The following ZNF385D variants were observed in gnomAD, a reference collection of about 807,000 sequenced individuals.
ZNF385D encodes the protein zinc finger protein 659.
Under a neutral mutation model 35.8 loss-of-function variants are expected in ZNF385D, and 15 were observed. That is an observed-to-expected ratio of 0.42 (90% confidence interval 0.28 to 0.64). The LOEUF (loss-of-function observed/expected upper bound fraction) is 0.64. ZNF385D is among the 30% of genes least tolerant of loss of function. ZNF385D has a pLI of 0.23. For synonymous variants in ZNF385D, 212 were observed against 186.8 expected, an observed-to-expected ratio of 1.13 and a Z score of -1.10; for missense variants, 474 against 494.6, an observed-to-expected ratio of 0.96 and a Z score of 0.39.
At chr3:21,422,605 A>G (rs1385879275) in intron 7 of ZNF385D, among the ~76,000 whole-genome samples, 2 of 152,188 alleles carry the variant, frequency 1.3e-5, no homozygotes, top group Non-Finnish European at 2.9e-5. Flanking sequence ...ATACTGGTAA[A>G]CCAAATCCAG....
chr3:22,240,390 T>C (rs1351037377), intron 2 of ZNF385D, among the ~76,000 whole-genome samples: 1 of 150,842 alleles, frequency 6.6e-6, no homozygotes, highest in East Asian at 2.0e-4. Flanking sequence ...CCTCTCACTA[T>C]CTTCTTCCTG....
chr3:22,188,009 T>G (rs1048281154), intron 2 of ZNF385D, among the ~76,000 whole-genome samples: 2 of 152,210 alleles, frequency 1.3e-5, no homozygotes. Context: ...TGCACCCTGT[T>G]AGAATTCATG....
At chr3:21,757,707 T>C (rs891547348) in intron 3 of ZNF385D, among the ~76,000 whole-genome samples, 1 of 152,202 alleles carries the variant, frequency 6.6e-6, no homozygotes, top group African/African-American at 2.4e-5. Flanking sequence ...TTTCAACATA[T>C]ACATTAGGAT....
At chr3:22,251,099 A>T (rs947141047) in intron 2 of ZNF385D, among the ~76,000 whole-genome samples, 9 of 152,148 alleles carry the variant, frequency 5.9e-5, no homozygotes, top group Non-Finnish European at 1.0e-4. Flanking sequence ...CAATTTCAGT[A>T]TTTATTCAGG....
intron 2 of ZNF385D, among the ~76,000 whole-genome samples, chr3:21,630,072 T>C (rs1423513857): frequency 6.6e-6 from 1 of 152,134 alleles, no homozygotes; most frequent in Non-Finnish European, 1.5e-5. Context: ...ATCATAACCA[T>C]TTGATACAGA....
chr3:21,562,602 T>C (rs1232744074), intron 3 of ZNF385D, among the ~76,000 whole-genome samples: 1 of 152,198 alleles, frequency 6.6e-6, no homozygotes, highest in African/African-American at 2.4e-5. Context: ...GGAGGAGATA[T>C]TTTAAGTAGT....
rs553024252 is a variant in ZNF385D, at chr3:21,915,158, T to C, written c.326-250130A>G. ...CATGTTTTCCTTACTGCTCAGAAAC[T>C]CTAGGTGCGTTACTTGACGGTACTG... On this transcript the variant is annotated intron_variant, in intron 3 of 5. Coordinates refer to the ZNF385D transcript ENST00000494108. Among the ~76,000 whole-genome samples, 3 of 152,100 alleles carry C rather than the reference T, an allele frequency of 2.0e-5. No individual in the cohort carries two copies. The East Asian group carries it at 5.8e-4, about 29-fold the overall frequency.
chr3:22,076,202 T>C (rs1559349969), intron 3 of ZNF385D, among the ~76,000 whole-genome samples: 1 of 151,866 alleles, frequency 6.6e-6, no homozygotes, highest in Non-Finnish European at 1.5e-5. Flanking sequence ...AACTCACCAA[T>C]TCAAAAGTCC....
At chr3:21,677,714 G>A (rs1252383375) in intron 1 of ZNF385D, among the ~76,000 whole-genome samples, 2 of 151,792 alleles carry the variant, frequency 1.3e-5, no homozygotes, top group East Asian at 3.9e-4. Context: ...ATAATAACCA[G>A]TAAAATAATA....
chr3:22,132,390 T>C (rs1360093904), intron 3 of ZNF385D, among the ~76,000 whole-genome samples: 1 of 152,166 alleles, frequency 6.6e-6, no homozygotes, highest in Admixed American at 6.6e-5. Context: ...TAAATACATT[T>C]CTGCTATTTA....
chr3:22,008,263 T>C (rs1328391028), intron 3 of ZNF385D, among the ~76,000 whole-genome samples: 1 of 152,076 alleles, frequency 6.6e-6, no homozygotes, highest in East Asian at 1.9e-4. Context: ...CAAGGAAATA[T>C]GCTTTTACTG....
intron 2 of ZNF385D, among the ~76,000 whole-genome samples, chr3:21,650,522 A>G (rs922057440): frequency 1.3e-5 from 2 of 152,172 alleles, no homozygotes; most frequent in Non-Finnish European, 2.9e-5. Context: ...ATTTCTTTAA[A>G]TTTATTTTAA....
At chr3:21,449,128 T>C (rs1353428051) in intron 4 of ZNF385D, among the ~76,000 whole-genome samples, 2 of 152,134 alleles carry the variant, frequency 1.3e-5, no homozygotes, top group African/African-American at 4.8e-5. Flanking sequence ...TGTCAATCAA[T>C]TTTTAATTCA....
intron 3 of ZNF385D, among the ~76,000 whole-genome samples, chr3:21,554,144 C>CT (rs1323396108): frequency 6.6e-6 from 1 of 152,120 alleles, no homozygotes; most frequent in Non-Finnish European, 1.5e-5. Context: ...AGAGGAATCA[C>CT]TATCTATGGT....
rs150903298 is a variant in ZNF385D at position 22,232,250 on chromosome 3, A to T, written c.107-63215T>A. Among the ~76,000 whole-genome samples, 229 of 151,608 alleles carry T rather than the reference A, an allele frequency of 1.5e-3. 1 individual carries two copies. The highest frequency in any genetic ancestry group is 5.2e-3 in the African/African-American group (215 of 41,370). Reference sequence around the variant, plus strand: ...TCAAATGTTGCTAGTATAACTAAAAATTTTTCTGAGTAAACTAGGAAGTCA... The same window carrying T: ...TCAAATGTTGCTAGTATAACTAAAATTTTTTCTGAGTAAACTAGGAAGTCA... On this transcript the variant is annotated intron_variant, in intron 2 of 5. Transcript: ENST00000494108.
At chr3:22,243,665 A>C (rs1449917582) in intron 2 of ZNF385D, among the ~76,000 whole-genome samples, 2 of 151,248 alleles carry the variant, frequency 1.3e-5, no homozygotes, top group Non-Finnish European at 2.9e-5. Context: ...AACACTTCAA[A>C]GGCAAGAACA....
chr3:22,283,252 C>T (rs747809420), intron 2 of ZNF385D, among the ~76,000 whole-genome samples: 1 of 152,084 alleles, frequency 6.6e-6, no homozygotes, highest in African/African-American at 2.4e-5. Context: ...CAGTACTCCA[C>T]TGACAGCTCT....
intron 3 of ZNF385D, among the ~76,000 whole-genome samples, chr3:22,049,079 T>A (rs187520042): frequency 1.3e-5 from 2 of 152,022 alleles, no homozygotes; most frequent in African/African-American, 4.8e-5. Context: ...GGTGGATAAT[T>A]TCAGGTCAGG....
At chr3:22,166,763 C>G (rs903482649) in intron 3 of ZNF385D, among the ~76,000 whole-genome samples, 2 of 152,178 alleles carry the variant, frequency 1.3e-5, no homozygotes, top group African/African-American at 4.8e-5. Context: ...ATTTGGGTTT[C>G]TAAACAAGAT....
Sources: allele counts gnomAD v4.1 joint callset (sites outside exome capture counted in the v4.1 genomes callset), GRCh38; gene constraint gnomAD v4.1.1; transcripts MANE v1.5; gene names NCBI Gene and HGNC (gene_info 2026-07-23, HGNC 2026-07-21).